Variants in SYT1 observed in about 807,000 individuals in gnomAD.
The protein encoded by SYT1 is synaptotagmin-1.
In SYT1, 8 loss-of-function variants were observed where a neutral mutation model predicts 44.8. That is an observed-to-expected ratio of 0.18 (90% CI 0.10 to 0.32). The LOEUF (loss-of-function observed/expected upper bound fraction) is 0.32. Among genes scored for constraint, SYT1 ranks in the 10% least tolerant of loss-of-function variants. The pLI, the probability that SYT1 is intolerant of heterozygous loss-of-function variation, is 1.00. For missense variants in SYT1, 286 were observed against 509.3 expected, an observed-to-expected ratio of 0.56 and a Z score of 4.22; for synonymous variants, 154 against 188.8, an observed-to-expected ratio of 0.82 and a Z score of 1.51.
chr12:79,364,384 C>G (rs551926782), intron 9 of SYT1, among the ~76,000 whole-genome samples: 1 of 152,210 alleles, frequency 6.6e-6, no homozygotes, highest in South Asian at 2.1e-4. Context: ...AGAATGATCC[C>G]TTGGTCACCT....
intron 9 of SYT1, chr12:79,393,434 G>A (rs1333311856): frequency 4.5e-4 from 68 of 152,136 alleles, no homozygotes; most frequent in Non-Finnish European, 3.5e-4. Context: ...GTGTAAAAGC[G>A]TTCCTATTTC....
At chr12:79,175,330 A>G (rs1871790928) in intron 3 of SYT1, among the ~76,000 whole-genome samples, 1 of 152,066 alleles carries the variant, frequency 6.6e-6, no homozygotes, top group South Asian at 2.1e-4. Context: ...GCTCATCAGT[A>G]TAGGGATAAT....
chr12:78,877,736 C>T (rs1455236215), intron 1 of SYT1, among the ~76,000 whole-genome samples: 1 of 151,718 alleles, frequency 6.6e-6, no homozygotes, highest in Non-Finnish European at 1.5e-5. Flanking sequence ...GCACATGATC[C>T]TCCCAACTCA....
intron 1 of SYT1, among the ~76,000 whole-genome samples, chr12:78,953,707 C>T (rs193214742): frequency 2.7e-4 from 41 of 151,998 alleles, no homozygotes; most frequent in Admixed American, 4.6e-4. Flanking sequence ...AAAGAAAAAC[C>T]ATTTTGAAAT....
intron 4 of SYT1, among the ~76,000 whole-genome samples, chr12:79,268,335 C>T (rs1048363643): frequency 6.6e-6 from 1 of 152,070 alleles, no homozygotes; most frequent in Non-Finnish European, 1.5e-5. Context: ...AATAAGTTTG[C>T]CGTGACTATA....
intron 4 of SYT1, among the ~76,000 whole-genome samples, chr12:79,283,381 C>T (rs537327127): frequency 6.2e-4 from 95 of 152,248 alleles, no homozygotes; most frequent in African/African-American, 2.3e-3. Context: ...TTTCAAATTT[C>T]TTCCTGTAAT....
intron 9 of SYT1, among the ~76,000 whole-genome samples, chr12:79,441,123 G>A (rs1870386790): frequency 6.6e-6 from 1 of 152,210 alleles, no homozygotes; most frequent in Non-Finnish European, 1.5e-5. Context: ...CACAAAAGCT[G>A]ATAAAGAACC....
At chr12:79,234,511 T>C (rs1876060954) in intron 4 of SYT1, among the ~76,000 whole-genome samples, 1 of 152,216 alleles carries the variant, frequency 6.6e-6, no homozygotes, top group East Asian at 1.9e-4. Context: ...AATGGAACCA[T>C]GCACGTATTC....
At chr12:79,173,378 A>G (rs1425168558) in intron 3 of SYT1, among the ~76,000 whole-genome samples, 1 of 151,978 alleles carries the variant, frequency 6.6e-6, no homozygotes, top group Non-Finnish European at 1.5e-5. Context: ...TCTTCCCCCA[A>G]ATTTGTCAGT....
intron 9 of SYT1, among the ~76,000 whole-genome samples, chr12:79,377,958 C>G (rs1884068099): frequency 6.6e-6 from 1 of 152,156 alleles, no homozygotes; most frequent in African/African-American, 2.4e-5. Context: ...ATGGAATAGT[C>G]CCTTTTTCAT....
chr12:79,217,196 A>G (rs1874859786), intron 3 of SYT1, among the ~76,000 whole-genome samples: 1 of 152,016 alleles, frequency 6.6e-6, no homozygotes, highest in Admixed American at 6.6e-5. Flanking sequence ...TATGGGTTAA[A>G]AGTTAAATCT....
At chr12:79,431,466 C>T (rs1397741545) in intron 9 of SYT1, among the ~76,000 whole-genome samples, 2 of 151,010 alleles carry the variant, frequency 1.3e-5, no homozygotes, top group Non-Finnish European at 3.0e-5. Context: ...TGTCATTTTC[C>T]TATATATGGT....
chr12:79,283,613 G>T (rs143592222), intron 4 of SYT1, among the ~76,000 whole-genome samples: 1 of 152,110 alleles, frequency 6.6e-6, no homozygotes, highest in Non-Finnish European at 1.5e-5. Flanking sequence ...TTCCCGCAAT[G>T]AATACATACA....
In SYT1 at chr12:78,944,822, G is replaced by A. The variant is rs368074446; in HGVS notation, c.-216-32977G>A. On this transcript the variant is annotated intron_variant, in intron 1 of 10. Transcript: ENST00000261205. The stretch of plus-strand genomic sequence containing the variant: ...ATTTTAATCAACACACACACACACA[G>A]TGTAGTCTTATGTCATAATAACTGA... Among the ~76,000 whole-genome samples the A allele has an allele frequency of 1.1e-4, 16 of 152,160 alleles. 1 individual carries two copies. Among genetic ancestry groups the A allele is most frequent in the East Asian group, 5.8e-4 (3 of 5,188 alleles).
At chr12:79,058,628 T>C (rs189686661) in intron 3 of SYT1, among the ~76,000 whole-genome samples, 1 of 152,060 alleles carries the variant, frequency 6.6e-6, no homozygotes, top group Admixed American at 6.6e-5. Flanking sequence ...CAGCCCTGCA[T>C]CTTGCATCCC....
At chr12:79,183,131 A>G (rs1183007025) in intron 3 of SYT1, among the ~76,000 whole-genome samples, 2 of 152,060 alleles carry the variant, frequency 1.3e-5, no homozygotes, top group Non-Finnish European at 2.9e-5. Flanking sequence ...GATTCAAGCT[A>G]GACAAACTTT....
chr12:78,943,541 T>C (rs148059267), intron 1 of SYT1, among the ~76,000 whole-genome samples: 18 of 152,210 alleles, frequency 1.2e-4, no homozygotes, highest in Non-Finnish European at 2.1e-4. Flanking sequence ...TCTGCCCCCA[T>C]GATCTAGTCA....
At chr12:79,120,623 T>C (rs934924872) in intron 3 of SYT1, among the ~76,000 whole-genome samples, 4 of 152,172 alleles carry the variant, frequency 2.6e-5, no homozygotes, top group African/African-American at 9.7e-5. Flanking sequence ...AAACATGGTT[T>C]TTCCCTTATG....
chr12:79,293,401 A>T lies in SYT1; in HGVS notation c.474+1271A>T, dbSNP rs143899138. On this transcript the variant is annotated intron_variant, in intron 6 of 10. Transcript: ENST00000261205. ...AAAATAAAATAAAATAAAATAAAAT[A>T]AAATAAAATTAAAAAATCTGTAAGA... Among the ~76,000 whole-genome samples, 63 of 59,166 alleles carry T rather than the reference A, an allele frequency of 1.1e-3. No homozygotes were observed. In the East Asian group the frequency reaches 0.075, roughly 71 times the overall value. The allele number at this position is 59,166 out of a possible 152,430, so 38.8% of individuals were successfully genotyped here.
Sources: allele counts gnomAD v4.1 joint callset (sites outside exome capture counted in the v4.1 genomes callset), GRCh38; gene constraint gnomAD v4.1.1; transcripts MANE v1.5; gene names NCBI Gene and HGNC (gene_info 2026-07-23, HGNC 2026-07-21).